The following LRRC2 variants were observed in gnomAD, a reference collection of about 807,000 sequenced individuals.
The protein encoded by LRRC2 is leucine rich repeat containing 2.
Under a neutral mutation model 40.2 loss-of-function variants are expected in LRRC2, and 27 were observed. That is an observed-to-expected ratio of 0.67 (90% CI 0.49 to 0.93). LRRC2 has a LOEUF of 0.93. Among genes scored for constraint, LRRC2 ranks in the 40% least tolerant of loss-of-function variants. The probability of loss-of-function intolerance (pLI) is 0.00; values close to 1 mark genes in which losing one functional copy is unlikely to be tolerated. For missense variants in LRRC2, 402 were observed against 439.6 expected (o/e 0.91, Z 0.76); for synonymous variants, 147 against 158.9 (o/e 0.92, Z 0.56).
At chr3:46,543,594 T>C (rs6768164) in intron 3 of LRRC2, among the ~76,000 whole-genome samples, 150,606 of 150,622 alleles carry the variant, frequency 1, 75,295 homozygotes, top group Middle Eastern at 1. Flanking sequence ...CCAGCCTGGG[T>C]GACAGAGCGA....
intron 2 of LRRC2, among the ~76,000 whole-genome samples, chr3:46,550,610 C>T (rs1053428535): frequency 1.3e-5 from 2 of 152,180 alleles, no homozygotes; most frequent in African/African-American, 4.8e-5. Context: ...CCAGGATGGT[C>T]TCGATCTCCT....
intron 1 of LRRC2, among the ~76,000 whole-genome samples, chr3:46,562,158 C>A (rs1325162616): frequency 6.6e-6 from 1 of 152,158 alleles, no homozygotes; most frequent in African/African-American, 2.4e-5. Flanking sequence ...GAGACTAGGT[C>A]TTCACTCTCT....
Position 46,545,096 on chromosome 3 carries a change from C to A in LRRC2, c.283G>T (p.Gly95Cys), listed in dbSNP as rs758784487. The A allele has an allele frequency of 1.9e-6, 3 of 1,613,834 alleles. No individual in the cohort carries two copies. In the African/African-American group the frequency reaches 4.0e-5, roughly 22 times the overall value. The part of the protein sequence containing the change: ...TRQSSLPKDR[G>C]KRSSAFVFEL... Reference sequence around the variant, plus strand: ...AACACAAACGCACTGCTCCGTTTGCCTCTGTCCTTGGGAAGTGAACTCTGC... The same window carrying A: ...AACACAAACGCACTGCTCCGTTTGCATCTGTCCTTGGGAAGTGAACTCTGC... The change falls in exon 3 of 9, where the codon GGC becomes TGC. Residue 95 changes from glycine (G) to cysteine (C), a missense_variant. Gly to Cys is a radical substitution (Grantham distance 159). Coordinates refer to ENST00000395905, the MANE Select transcript of LRRC2 (RefSeq NM_024512.5).
chr3:46,551,750 GCTTTTTT>G (rs1559418845), intron 1 of LRRC2, 140 bp from the exon 2 acceptor site: 7 of 153,038 alleles, frequency 4.6e-5, no homozygotes, highest in South Asian at 4.2e-4. Context: ...ATGACAGTTT[GCTTTTTT>G]TTTTTTTTTT....
At position 46,531,195 on chromosome 3, in the gene LRRC2, G is replaced by A. The variant is rs370077849; in HGVS notation, c.628-1145C>T. Among the ~76,000 whole-genome samples the A allele has an allele frequency of 5.0e-4, 75 of 150,196 alleles. 1 individual carries two copies. The highest frequency in any genetic ancestry group is 1.0e-3 in the African/African-American group (42 of 40,594). On this transcript the variant is annotated intron_variant, in intron 5 of 8. Transcript: ENST00000395905. ...AGATGGCGTTTCACTCTGTCACACA[G>A]GCTGGAGTGCAGTGGAGAGATCTCA...
At position 46,518,623 on chromosome 3, in the gene LRRC2, A is replaced by G. The variant is rs1013619026; in HGVS notation, c.*391T>C. The G allele has an allele frequency of 6.4e-6, 1 of 155,770 alleles. No homozygotes were observed. The highest frequency in any genetic ancestry group is 2.4e-5 in the African/African-American group (1 of 41,580). The allele number at this position is 155,770 out of a possible 1,614,324, so 9.6% of individuals were successfully genotyped here. A position where few individuals can be genotyped will look rare whatever the true frequency, so the allele number is the denominator to read the frequency against. ...GTGATCCACCCACTTCGGCCTCCCA[A>G]AGTGCTGGGATTACAGGTGTGAGCC... On this transcript the variant is annotated 3_prime_UTR_variant, in exon 9 of 9. Coordinates refer to ENST00000395905, the MANE Select transcript of LRRC2 (RefSeq NM_024512.5).
chr3:46,538,582 C>T (rs1704315424), intron 4 of LRRC2, among the ~76,000 whole-genome samples: 2 of 151,838 alleles, frequency 1.3e-5, no homozygotes, highest in South Asian at 2.1e-4. Context: ...TGCAGTGAGC[C>T]GAGATTGTGC....
rs180877649 is a variant in LRRC2 at position 46,526,731 on chromosome 3, G to A, written c.929+695C>T. Among the ~76,000 whole-genome samples the A allele has an allele frequency of 1.5e-4, 23 of 152,340 alleles. No homozygotes were observed. The South Asian group carries it at 1.7e-3, about 11-fold the overall frequency. On this transcript the variant is annotated intron_variant, in intron 7 of 8. Transcript: ENST00000395905. ...GGGAAATATTCTCGCTAGTGGTTGCGTTAACAGCCACCTGGTGCTCAAGGC... is the reference window on the plus strand; with the variant it reads ...GGGAAATATTCTCGCTAGTGGTTGCATTAACAGCCACCTGGTGCTCAAGGC...
Position 46,532,736 on chromosome 3 carries a change from A to G in LRRC2, c.627+37T>C. 1.9e-6 allele frequency: 3 copies of G among 1,599,392 alleles called. No individual in the cohort carries two copies. In the South Asian group the frequency reaches 3.4e-5, roughly 18 times the overall value. On this transcript the variant is annotated intron_variant, in intron 5 of 8. Transcript: ENST00000395905. ...GACCATTCTATGTCATAAACCAAAT[A>G]AAAGTGAATCGTAGTACAGAAATGT...
intron 5 of LRRC2, among the ~76,000 whole-genome samples, chr3:46,532,180 A>G (rs1291910659): frequency 6.6e-6 from 1 of 152,240 alleles, no homozygotes; most frequent in African/African-American, 2.4e-5. Flanking sequence ...TGCATTAGAG[A>G]CAACAGGCAT....
At chr3:46,556,640 G>A (rs373972906) in intron 1 of LRRC2, among the ~76,000 whole-genome samples, 4 of 145,616 alleles carry the variant, frequency 2.7e-5, no homozygotes, top group East Asian at 2.1e-4. Flanking sequence ...GTGCAGCGGC[G>A]TGATCTCCAA....
intron 1 of LRRC2, chr3:46,559,410 A>T (rs781570748): frequency 3.9e-5 from 6 of 152,274 alleles, no homozygotes; most frequent in Admixed American, 6.5e-5. Flanking sequence ...AGCCAGCCAC[A>T]GTAACTGAAG....
At position 46,545,172 on chromosome 3, in the gene LRRC2, T is replaced by C; in HGVS notation, c.207A>G (p.Ile69Met). Residue 69 changes from isoleucine (I) to methionine (M), a missense_variant, in exon 3 of 9, where the codon ATA becomes ATG. Ile to Met is a conservative substitution (Grantham distance 10, BLOSUM62 1). Coordinates refer to ENST00000395905, the MANE Select transcript of LRRC2 (RefSeq NM_024512.5). ...TGTCCAGAAGCCGCACGCTGGTGTC[T>C]ATGAAGCCATTCTTGCAGTATACAG... is the stretch of plus-strand genomic sequence containing the variant. ...PQAVYCKNGF[I>M]DTSVRLLDKI... is the part of the protein sequence containing the mutation. 6.2e-7 allele frequency: 1 copy of C among 1,614,224 alleles called. No individual in the cohort carries two copies. The highest frequency in any genetic ancestry group is 8.5e-7 in the Non-Finnish European group (1 of 1,180,036).
At chr3:46,562,686 C>T (rs1157841773) in intron 1 of LRRC2, among the ~76,000 whole-genome samples, 2 of 152,032 alleles carry the variant, frequency 1.3e-5, no homozygotes, top group African/African-American at 2.4e-5. Context: ...AATTCCACAC[C>T]TCAGGAATGA....
At chr3:46,545,606 AG>A (rs1704508746) in intron 2 of LRRC2, among the ~76,000 whole-genome samples, 2 of 152,238 alleles carry the variant, frequency 1.3e-5, no homozygotes, top group Admixed American at 1.3e-4. Flanking sequence ...AGAAATACAG[AG>A]GAGCTTCAGT....
intron 6 of LRRC2, among the ~76,000 whole-genome samples, chr3:46,528,038 A>T (rs953388209): frequency 1.3e-5 from 2 of 152,176 alleles, no homozygotes; most frequent in African/African-American, 2.4e-5. Flanking sequence ...CTAAGTTTTA[A>T]GTAACTAAAG....
chr3:46,536,697 G>C (rs189882174), intron 4 of LRRC2, among the ~76,000 whole-genome samples: 9 of 152,270 alleles, frequency 5.9e-5, no homozygotes, highest in Non-Finnish European at 1.3e-4. Context: ...GTGGATCTTG[G>C]GCGTTTAGAT....
intron 1 of LRRC2, among the ~76,000 whole-genome samples, chr3:46,552,313 G>A (rs528802689): frequency 2.6e-5 from 4 of 151,166 alleles, no homozygotes; most frequent in East Asian, 2.0e-4. Context: ...ACGCAGGCAG[G>A]CACGCACACA....
rs1703847066 is a variant in LRRC2, at chr3:46,515,660, T to C, written c.*3354A>G. ...GAAATAATTATATATCAATGCAGTA[T>C]TTTTTTCATATGTGACAGTGAAACA... On this transcript the variant is annotated 3_prime_UTR_variant, in exon 9 of 9. Coordinates refer to ENST00000395905, the MANE Select transcript of LRRC2 (RefSeq NM_024512.5). 1 of 152,164 alleles carries C rather than the reference T, an allele frequency of 6.6e-6. No homozygotes were observed. Among genetic ancestry groups the C allele is most frequent in the Non-Finnish European group, 1.5e-5 (1 of 68,028 alleles). The allele number at this position is 152,164 out of a possible 1,614,324, so 9.4% of individuals were successfully genotyped here.
Sources: allele counts gnomAD v4.1 joint callset (sites outside exome capture counted in the v4.1 genomes callset), GRCh38; gene constraint gnomAD v4.1.1; transcripts MANE v1.5; gene names NCBI Gene and HGNC (gene_info 2026-07-23, HGNC 2026-07-21).